The following CADPS variants were observed in gnomAD, a reference collection of about 807,000 sequenced individuals.
CADPS encodes the protein calcium dependent secretion activator.
CADPS carries 57 observed loss-of-function variants against 167.3 expected under a neutral mutation model. The ratio of observed to expected loss-of-function variants is 0.34; its 90% CI spans 0.28 to 0.42. The LOEUF (loss-of-function observed/expected upper bound fraction) is 0.42, where lower values mean the gene tolerates loss of function less well. Ranked by LOEUF, CADPS falls within the 20% of genes least tolerant of loss-of-function variation. The pLI is 1.00. For missense variants in CADPS, 1,414 were observed against 1,738.1 expected (o/e 0.81, Z 3.32); for synonymous variants, 676 against 635.3 (o/e 1.06, Z -0.96).
chr3:62,590,252 C>T (rs1461426136), intron 7 of CADPS, among the ~76,000 whole-genome samples: 2 of 151,952 alleles, frequency 1.3e-5, no homozygotes, highest in African/African-American at 4.8e-5. Flanking sequence ...TCATTGTGGA[C>T]CCAGGTTGAG....
intron 6 of CADPS, among the ~76,000 whole-genome samples, chr3:62,605,420 C>T (rs2060566978): frequency 6.6e-6 from 1 of 152,220 alleles, no homozygotes. Context: ...TGATCTCAGA[C>T]ACATTTATTA....
intron 1 of CADPS, among the ~76,000 whole-genome samples, chr3:62,841,746 A>G (rs1216858384): frequency 6.6e-6 from 1 of 152,142 alleles, no homozygotes; most frequent in African/African-American, 2.4e-5. Context: ...GGAAAATCCT[A>G]TGGCCACATG....
chr3:62,506,221 CTA>C (rs1242744931), intron 17 of CADPS, among the ~76,000 whole-genome samples: 2 of 152,050 alleles, frequency 1.3e-5, no homozygotes, highest in Non-Finnish European at 2.9e-5. Context: ...AACCTCGTCT[CTA>C]TTAAAAATAC....
At chr3:62,757,990 C>T (rs553730804) in intron 2 of CADPS, among the ~76,000 whole-genome samples, 29 of 152,316 alleles carry the variant, frequency 1.9e-4, no homozygotes, top group African/African-American at 6.3e-4. Context: ...TGGGTACCCC[C>T]ATGACACGTG....
chr3:62,789,979 C>G (rs1404221815), intron 1 of CADPS, among the ~76,000 whole-genome samples: 5 of 151,994 alleles, frequency 3.3e-5, no homozygotes, highest in Non-Finnish European at 7.4e-5. Context: ...ATAGTCCATG[C>G]TCTCAGGGAG....
intron 6 of CADPS, among the ~76,000 whole-genome samples, chr3:62,608,570 C>T (rs910718051): frequency 2.0e-5 from 3 of 152,168 alleles, no homozygotes; most frequent in Non-Finnish European, 4.4e-5. Flanking sequence ...TGAGCCACTG[C>T]ACCCAGCTGA....
chr3:62,455,031 G>A lies in CADPS; in HGVS notation c.3637-9234C>T, dbSNP rs137938805. On this transcript the variant is annotated intron_variant, in intron 26 of 29. Coordinates refer to ENST00000383710, the MANE Select transcript of CADPS (RefSeq NM_003716.4). This position sits in a 1 kb window ranked among gnomAD's most constrained non-coding sequence, Gnocchi z 4.4. Reference sequence around the variant, plus strand: ...CTATTCCATGCTCTGATTAGGAGCCGCAGCCTCATTAACGATGAGAATTGT... The same window carrying A: ...CTATTCCATGCTCTGATTAGGAGCCACAGCCTCATTAACGATGAGAATTGT... 1.4e-3 allele frequency among the ~76,000 whole-genome samples: 208 copies of A among 152,056 alleles called. 4 individuals carry two copies. The East Asian group carries it at 0.036, about 26-fold the overall frequency.
intron 6 of CADPS, among the ~76,000 whole-genome samples, chr3:62,618,386 G>A (rs1237836029): frequency 3.3e-5 from 5 of 152,294 alleles, no homozygotes; most frequent in Admixed American, 1.3e-4. Flanking sequence ...ATGGGGTTCT[G>A]CACCTGTTGG....
At chr3:62,501,912 T>C (rs1340756049) in intron 17 of CADPS, among the ~76,000 whole-genome samples, 1 of 152,228 alleles carries the variant, frequency 6.6e-6, no homozygotes, top group Non-Finnish European at 1.5e-5. Flanking sequence ...TGTGCACATG[T>C]ACGCAGATAT....
chr3:62,855,849 G>A (rs1169798773), intron 1 of CADPS, among the ~76,000 whole-genome samples: 1 of 151,936 alleles, frequency 6.6e-6, no homozygotes, highest in African/African-American at 2.4e-5. Context: ...GGTGCTTAAG[G>A]GGCAATATGA....
At chr3:62,706,004 G>T (rs543193065) in intron 3 of CADPS, among the ~76,000 whole-genome samples, 1 of 152,232 alleles carries the variant, frequency 6.6e-6, no homozygotes, top group African/African-American at 2.4e-5. Context: ...CCAAGGCCCT[G>T]CTTTGTGGCT....
intron 1 of CADPS, among the ~76,000 whole-genome samples, chr3:62,829,889 T>C (rs1283840314): frequency 6.6e-6 from 1 of 152,174 alleles, no homozygotes; most frequent in Non-Finnish European, 1.5e-5. Flanking sequence ...TTCCACCTCC[T>C]ACTTGACTGT....
At chr3:62,453,094 C>A (rs1431670755) in intron 26 of CADPS, among the ~76,000 whole-genome samples, 1 of 152,116 alleles carries the variant, frequency 6.6e-6, no homozygotes, top group Non-Finnish European at 1.5e-5. Context: ...GATCATGCCA[C>A]TGCACTCCAG....
intron 6 of CADPS, among the ~76,000 whole-genome samples, chr3:62,627,655 A>G (rs1334363547): frequency 6.6e-6 from 1 of 152,052 alleles, no homozygotes; most frequent in Non-Finnish European, 1.5e-5. Flanking sequence ...AAAAATGTAT[A>G]TATCCACATT....
chr3:62,671,473 A>G (rs887561597), intron 3 of CADPS, among the ~76,000 whole-genome samples: 1 of 152,136 alleles, frequency 6.6e-6, no homozygotes, highest in Non-Finnish European at 1.5e-5. Flanking sequence ...AGAAAAATAC[A>G]GGGGACTAGG....
intron 1 of CADPS, among the ~76,000 whole-genome samples, chr3:62,812,765 T>C (rs2094446495): frequency 6.6e-6 from 1 of 152,198 alleles, no homozygotes; most frequent in African/African-American, 2.4e-5. Context: ...GAGTGGATTA[T>C]GCATCTCTCC....
At chr3:62,812,308 A>G (rs1229342991) in intron 1 of CADPS, among the ~76,000 whole-genome samples, 1 of 152,174 alleles carries the variant, frequency 6.6e-6, no homozygotes, top group Non-Finnish European at 1.5e-5. Flanking sequence ...CACTTTTTAA[A>G]AAGTCCTTTT....
chr3:62,587,499 G>A (rs1048489495), intron 7 of CADPS, among the ~76,000 whole-genome samples: 2 of 152,184 alleles, frequency 1.3e-5, no homozygotes, highest in African/African-American at 4.8e-5. Flanking sequence ...AGGTAGGGGT[G>A]AGATGTGCTG....
At chr3:62,481,002 G>T (rs1239849214) in intron 22 of CADPS, among the ~76,000 whole-genome samples, 1 of 152,170 alleles carries the variant, frequency 6.6e-6, no homozygotes, top group Admixed American at 6.5e-5. Context: ...ATGTGGATGA[G>T]TATAAAGCAT....
Sources: allele counts gnomAD v4.1 joint callset (sites outside exome capture counted in the v4.1 genomes callset), GRCh38; gene constraint gnomAD v4.1.1; non-coding constraint Gnocchi (gnomAD v3.1); transcripts MANE v1.5; gene names NCBI Gene and HGNC (gene_info 2026-07-23, HGNC 2026-07-21).